The following HS3ST4 variants were observed in gnomAD, a reference collection of about 807,000 sequenced individuals.
HS3ST4 encodes heparan sulfate-glucosamine 3-sulfotransferase 4, also known as heparan sulfate glucosamine 3-O-sulfotransferase 4.
In HS3ST4, 17 loss-of-function variants were observed where a neutral mutation model predicts 29.2. That is an observed-to-expected ratio of 0.58 (90% CI 0.40 to 0.87). The LOEUF (loss-of-function observed/expected upper bound fraction) is 0.87. Among genes scored for constraint, HS3ST4 ranks in the 40% least tolerant of loss-of-function variants. The pLI is 0.00. For synonymous variants in HS3ST4, 314 were observed against 285.7 expected (o/e 1.10, Z -1.00); for missense variants, 627 against 634.5 (o/e 0.99, Z 0.13).
intron 1 of HS3ST4, among the ~76,000 whole-genome samples, chr16:25,794,911 A>G (rs965619172): frequency 2.4e-5 from 2 of 85,020 alleles, no homozygotes; most frequent in Non-Finnish European, 5.1e-5. Flanking sequence ...ACACACACAC[A>G]CACACACACA....
chr16:26,092,015 G>T (rs1442161019), intron 1 of HS3ST4, among the ~76,000 whole-genome samples: 1 of 152,084 alleles, frequency 6.6e-6, no homozygotes, highest in Non-Finnish European at 1.5e-5. Flanking sequence ...GGGAAATTTG[G>T]GGTGAAATTT....
At chr16:25,850,329 A>C (rs930716969) in intron 1 of HS3ST4, among the ~76,000 whole-genome samples, 1 of 152,108 alleles carries the variant, frequency 6.6e-6, no homozygotes, top group African/African-American at 2.4e-5. Context: ...AAATGTTTGA[A>C]AATTCTGTAT....
In HS3ST4 at chr16:26,110,179, G is replaced by C. The variant is rs541006076; in HGVS notation, c.735-25433G>C. ...TTCTGTGTCTTGCTTATTTCACTTA[G>C]CATAATGTCCTCCAGGTTCATCCAT... On this transcript the variant is annotated intron_variant, in intron 1 of 1. Coordinates refer to ENST00000331351, the MANE Select transcript of HS3ST4 (RefSeq NM_006040.3). 1.1e-4 allele frequency among the ~76,000 whole-genome samples: 17 copies of C among 152,172 alleles called. No homozygotes were observed. The South Asian group carries it at 2.9e-3, about 26-fold the overall frequency.
chr16:26,124,991 A>C (rs1899323595), intron 1 of HS3ST4, among the ~76,000 whole-genome samples: 1 of 152,224 alleles, frequency 6.6e-6, no homozygotes, highest in Admixed American at 6.5e-5. Flanking sequence ...AGTGTCCTTA[A>C]CTTTTGATCC....
intron 1 of HS3ST4, among the ~76,000 whole-genome samples, chr16:26,129,907 GT>G (rs755014366): frequency 3.9e-5 from 6 of 152,154 alleles, no homozygotes; most frequent in Non-Finnish European, 8.8e-5. Context: ...TATTGTTATT[GT>G]TTCTGTGAGG....
intron 1 of HS3ST4, among the ~76,000 whole-genome samples, chr16:25,795,308 T>C (rs904915664): frequency 1.3e-5 from 2 of 152,124 alleles, no homozygotes; most frequent in Admixed American, 1.3e-4. Context: ...TCTTTTTTTT[T>C]ACTTTTTATG....
chr16:26,109,315 T>G (rs1333730305), intron 1 of HS3ST4, among the ~76,000 whole-genome samples: 1 of 152,154 alleles, frequency 6.6e-6, no homozygotes, highest in Non-Finnish European at 1.5e-5. Flanking sequence ...ACAGCATCAT[T>G]TATATCTTCC....
chr16:25,913,385 C>A (rs1350938872), intron 1 of HS3ST4, among the ~76,000 whole-genome samples: 1 of 152,234 alleles, frequency 6.6e-6, no homozygotes, highest in East Asian at 1.9e-4. Context: ...ACCCCTTCCA[C>A]CACCTGAGGA....
chr16:26,131,192 CTCTT>C (rs1390445939), intron 1 of HS3ST4, among the ~76,000 whole-genome samples: 1 of 152,204 alleles, frequency 6.6e-6, no homozygotes, highest in Non-Finnish European at 1.5e-5. Context: ...CACCATTTCT[CTCTT>C]TCTCTCCTAA....
intron 1 of HS3ST4, among the ~76,000 whole-genome samples, chr16:25,730,282 T>G (rs146991873): frequency 1.1e-4 from 17 of 152,254 alleles, no homozygotes; most frequent in African/African-American, 3.9e-4. Flanking sequence ...GTAAGAAAGT[T>G]GGTACTAGAA....
chr16:26,049,513 C>T (rs964471439), intron 1 of HS3ST4, among the ~76,000 whole-genome samples: 7 of 149,428 alleles, frequency 4.7e-5, no homozygotes, highest in Non-Finnish European at 8.8e-5. Flanking sequence ...TGTCCTTGAG[C>T]GGAAAAACAC....
intron 1 of HS3ST4, among the ~76,000 whole-genome samples, chr16:25,991,552 G>A (rs1482639790): frequency 1.3e-5 from 2 of 152,194 alleles, no homozygotes. Flanking sequence ...TTAGTGATTA[G>A]CAAAGAATAT....
At chr16:25,843,163 A>T (rs879818326) in intron 1 of HS3ST4, among the ~76,000 whole-genome samples, 1 of 152,146 alleles carries the variant, frequency 6.6e-6, no homozygotes, top group Admixed American at 6.5e-5. Flanking sequence ...TATAATAGTT[A>T]TTATTTTTCA....
chr16:25,863,368 A>G (rs554401976), intron 1 of HS3ST4, among the ~76,000 whole-genome samples: 1 of 152,314 alleles, frequency 6.6e-6, no homozygotes, highest in South Asian at 2.1e-4. Flanking sequence ...GGCATGAGCC[A>G]CTGTGCCTGG....
chr16:25,793,450 A>G (rs1220585657), intron 1 of HS3ST4, among the ~76,000 whole-genome samples: 2 of 151,936 alleles, frequency 1.3e-5, no homozygotes, highest in East Asian at 1.9e-4. Context: ...TTTGGTTTAT[A>G]TATGTGACAT....
chr16:25,980,651 G>A (rs1034958121), intron 1 of HS3ST4, among the ~76,000 whole-genome samples: 2 of 152,130 alleles, frequency 1.3e-5, no homozygotes, highest in East Asian at 3.9e-4. Flanking sequence ...CTCTACTTTT[G>A]CACTTGCCCA....
chr16:25,864,770 T>TTG (rs904610755), intron 1 of HS3ST4, among the ~76,000 whole-genome samples: 7 of 151,972 alleles, frequency 4.6e-5, no homozygotes, highest in Middle Eastern at 3.2e-3. Context: ...TATATATTTA[T>TTG]TGTGTGTGTG....
In HS3ST4 at chr16:25,959,856, C is replaced by T. The variant is rs190016658; in HGVS notation, c.735-175756C>T. On this transcript the variant is annotated intron_variant, in intron 1 of 1. Transcript: ENST00000331351. ...AAGATCTGGTTGTTGAGTCTGGGGT[C>T]GGGCGCAGTGGCTCACACCTGTAAT... Among the ~76,000 whole-genome samples the T allele has an allele frequency of 7.9e-5, 12 of 152,036 alleles. No homozygotes were observed. The East Asian group carries it at 1.5e-3, about 20-fold the overall frequency.
chr16:25,874,693 T>C (rs1490939715), intron 1 of HS3ST4, among the ~76,000 whole-genome samples: 1 of 152,218 alleles, frequency 6.6e-6, no homozygotes, highest in African/African-American at 2.4e-5. Flanking sequence ...CTCTGACTTC[T>C]GTTTATTCAT....
Sources: gnomAD v4.1 joint callset for allele counts (sites outside exome capture counted in the v4.1 genomes callset) on GRCh38, gnomAD v4.1.1 for gene constraint, MANE v1.5 for transcripts, NCBI Gene and HGNC (gene_info 2026-07-23, HGNC 2026-07-21) for gene names.